DLK1: variants seen among roughly 807,000 people sequenced by gnomAD.
DLK1 encodes the protein delta like non-canonical Notch ligand 1.
A neutral mutation model predicts 35.2 loss-of-function variants in DLK1; 9 were observed. The observed-to-expected ratio is 0.26, with a 90% CI of 0.15 to 0.45. The LOEUF (loss-of-function observed/expected upper bound fraction) is 0.45, where lower values mean the gene tolerates loss of function less well. DLK1 is among the 20% of genes least tolerant of loss of function. The probability of loss-of-function intolerance (pLI) is 1.00; values close to 1 mark genes in which losing one functional copy is unlikely to be tolerated. For synonymous variants in DLK1, 231 were observed against 228.4 expected (o/e 1.01, Z -0.10); for missense variants, 522 against 528.5 (o/e 0.99, Z 0.12).
chr14:100,729,703 C>A (rs1421065134), intron 3 of DLK1, among the ~76,000 whole-genome samples: 1 of 152,196 alleles, frequency 6.6e-6, no homozygotes, highest in Non-Finnish European at 1.5e-5. Context: ...GCCTCCATTA[C>A]CCCAAGCAAT....
chr14:100,727,620 C>A (rs1567020076), intron 1 of DLK1, among the ~76,000 whole-genome samples: 1 of 152,158 alleles, frequency 6.6e-6, no homozygotes, highest in Non-Finnish European at 1.5e-5. Flanking sequence ...TGCGACACTT[C>A]TGTCTGCAGC....
At chr14:100,730,767 C>T (rs1264501639) in intron 3 of DLK1, among the ~76,000 whole-genome samples, 3 of 152,204 alleles carry the variant, frequency 2.0e-5, no homozygotes, top group Non-Finnish European at 2.9e-5. Context: ...TTGCCGGTGC[C>T]GTCCCGTAAA....
chr14:100,727,554 C>T (rs2036450880), intron 1 of DLK1, among the ~76,000 whole-genome samples: 1 of 152,150 alleles, frequency 6.6e-6, no homozygotes, highest in South Asian at 2.1e-4. Context: ...CCCCCAATTC[C>T]CAGAGAAGCC....
chr14:100,729,155 T>A, intron 3 of DLK1, 89 bp downstream of exon 3: 1 of 1,590,420 alleles, frequency 6.3e-7, no homozygotes. Context: ...CTGTTGCTGG[T>A]GTTCCTCACT....
rs752439369 is a variant in DLK1, at chr14:100,727,027, C to G, written c.-42C>G. 1 of 1,535,844 alleles carries G rather than the reference C, an allele frequency of 6.5e-7. No individual in the cohort carries two copies. On this transcript the variant is annotated 5_prime_UTR_variant, in exon 1 of 5. Coordinates refer to ENST00000341267, the MANE Select transcript of DLK1 (RefSeq NM_003836.7). ...AGTGCGGCGCCAGGAGCCGGACCCGCGCCCGCACCGCTCCCGGGACCGCGA... is the reference window on the plus strand; with the variant it reads ...AGTGCGGCGCCAGGAGCCGGACCCGGGCCCGCACCGCTCCCGGGACCGCGA...
rs779551088 is a variant in DLK1, at chr14:100,734,396, C to G, written c.652C>G (p.Gln218Glu). The G allele has an allele frequency of 6.2e-7, 1 of 1,611,746 alleles. No homozygotes were observed. Among genetic ancestry groups the G allele is most frequent in the Non-Finnish European group, 8.5e-7 (1 of 1,179,052 alleles). The stretch of plus-strand genomic sequence containing the variant: ...GACCAACTGCGCCAGCAGCCCGTGC[C>G]AGAACGGGGGCACCTGCCTGCAGCA... ...PVTNCASSPC[Q>E]NGGTCLQHTQ... Residue 218 changes from glutamine (Q) to glutamate (E), a missense_variant, in exon 5 of 5, where the codon CAG (glutamine) becomes GAG (glutamate). Transcript: ENST00000341267. This position sits in a 1 kb window ranked among gnomAD's most constrained non-coding sequence, Gnocchi z 7.4.
chr14:100,734,668 C>G lies in DLK1; in HGVS notation c.924C>G (p.Thr308=), dbSNP rs1282985380. 6.2e-7 allele frequency: 1 copy of G among 1,614,084 alleles called. No individual in the cohort carries two copies. Among genetic ancestry groups the G allele is most frequent in the East Asian group, 2.2e-5 (1 of 44,888 alleles). Residue 308 remains threonine, a synonymous_variant, in exon 5 of 5, where the codon ACC becomes ACG. Coordinates refer to ENST00000341267, the MANE Select transcript of DLK1 (RefSeq NM_003836.7). The surrounding 1 kb of genome is among the most constrained non-coding windows in gnomAD (Gnocchi z 7.4). ...LLTEGQAICF[T]ILGVLTSLVV... ...CCGAGGGCCAGGCCATCTGCTTCAC[C>G]ATCCTGGGCGTGCTCACCAGCCTGG...
At chr14:100,732,898 C>T (rs1380250011) in intron 4 of DLK1, among the ~76,000 whole-genome samples, 2 of 152,280 alleles carry the variant, frequency 1.3e-5, no homozygotes, top group East Asian at 1.9e-4. Context: ...AGGCAGGGTC[C>T]GAATGTAAGA....
intron 1 of DLK1, 73 bp from the exon 2 acceptor site, chr14:100,728,323 T>G (rs1173288398): frequency 2.6e-6 from 4 of 1,550,630 alleles, no homozygotes; most frequent in Non-Finnish European, 3.6e-6. Context: ...TGGTGGGCTG[T>G]GTGGGCGAAG....
chr14:100,728,447 A>C lies in DLK1; in HGVS notation c.119A>C (p.Asp40Ala). ...CCCCAAAATGGATTCTGCGAGGATG[A>C]CAATGTTTGCAGGTAATAGAGTGGC... ...CNPQNGFCED[D>A]NVCRCQPGWQ... The change falls in exon 2 of 5, where the codon GAC becomes GCC. Residue 40 changes from aspartate (D) to alanine (A), a missense_variant. Coordinates refer to ENST00000341267, the MANE Select transcript of DLK1 (RefSeq NM_003836.7). 6.2e-7 allele frequency: 1 copy of C among 1,613,930 alleles called. No homozygotes were observed. The highest frequency in any genetic ancestry group is 1.1e-5 in the South Asian group (1 of 91,068).
intron 2 of DLK1, 200 bp from the exon 3 acceptor site, chr14:100,728,736 C>T (rs542936640): frequency 2.5e-6 from 2 of 813,822 alleles, no homozygotes; most frequent in Admixed American, 2.4e-5. Context: ...CTCGGGGCCC[C>T]TCCAAGTCGG....
intron 3 of DLK1, among the ~76,000 whole-genome samples, chr14:100,730,366 C>G (rs922256079): frequency 6.6e-6 from 1 of 152,194 alleles, no homozygotes; most frequent in African/African-American, 2.4e-5. Context: ...ATTTTCCGGA[C>G]AAATGCCTCC....
rs547579667 is a variant in DLK1, at chr14:100,731,134, A to G, written c.263-908A>G. Among the ~76,000 whole-genome samples, 3 of 152,248 alleles carry G rather than the reference A, an allele frequency of 2.0e-5. No individual in the cohort carries two copies. The East Asian group carries it at 5.8e-4, about 30-fold the overall frequency. Reference sequence around the variant, plus strand: ...TATAAGTAGGGAAACTGAGGCCCAGAATGGGTAGGAGCTGAACTCTGCTGC... The same window carrying G: ...TATAAGTAGGGAAACTGAGGCCCAGGATGGGTAGGAGCTGAACTCTGCTGC... On this transcript the variant is annotated intron_variant, in intron 3 of 4. Coordinates refer to ENST00000341267, the MANE Select transcript of DLK1 (RefSeq NM_003836.7).
At position 100,734,121 on chromosome 14, in the gene DLK1, C is replaced by T. The variant is rs373247615; in HGVS notation, c.405-28C>T. On this transcript the variant is annotated intron_variant, in intron 4 of 4. Transcript: ENST00000341267. This position sits in a 1 kb window ranked among gnomAD's most constrained non-coding sequence, Gnocchi z 7.4. ...GCTGTTGTAGCCTAGCCCCTGAGGCCGTTTACTATGTCCCTGTTGTGTTGC... is the reference window on the plus strand; with the variant it reads ...GCTGTTGTAGCCTAGCCCCTGAGGCTGTTTACTATGTCCCTGTTGTGTTGC... 178 of 1,568,970 alleles carry T rather than the reference C, an allele frequency of 1.1e-4. 1 individual carries two copies. Among genetic ancestry groups the T allele is most frequent in the African/African-American group, 5.1e-4 (38 of 74,182 alleles).
rs750750247 is a variant in DLK1 at position 100,734,552 on chromosome 14, C to G, written c.808C>G (p.Pro270Ala). Residue 270 changes from proline to alanine, a missense_variant, in exon 5 of 5, where the codon CCT (proline) becomes GCT (alanine). Coordinates refer to ENST00000341267, the MANE Select transcript of DLK1 (RefSeq NM_003836.7). The surrounding 1 kb of genome is among the most constrained non-coding windows in gnomAD (Gnocchi z 7.4). ...SGYGLAYRLTPGVHELPVQQP... is the reference protein window; with the variant it reads ...SGYGLAYRLTAGVHELPVQQP... ...CTATGGGCTGGCCTACCGCCTGACC[C>G]CTGGGGTGCACGAGCTGCCGGTGCA... 6.2e-7 allele frequency: 1 copy of G among 1,613,142 alleles called. No homozygotes were observed. The highest frequency in any genetic ancestry group is 8.5e-7 in the Non-Finnish European group (1 of 1,179,910).
Position 100,727,146 on chromosome 14 carries a change from C to T in DLK1, c.67+11C>T. On this transcript the variant is annotated intron_variant, in intron 1 of 4. Coordinates refer to ENST00000341267, the MANE Select transcript of DLK1 (RefSeq NM_003836.7). ...GCCACAGCACCTATGGTGAGTTCCCCGGCGGCCCGGCTCGCGCCCCCTCTG... is the reference window on the plus strand; with the variant it reads ...GCCACAGCACCTATGGTGAGTTCCCTGGCGGCCCGGCTCGCGCCCCCTCTG... 1.3e-6 allele frequency: 2 copies of T among 1,567,864 alleles called. No homozygotes were observed. The highest frequency in any genetic ancestry group is 1.7e-6 in the Non-Finnish European group (2 of 1,157,288).
chr14:100,732,676 C>T (rs1278970987), intron 4 of DLK1, among the ~76,000 whole-genome samples: 5 of 152,124 alleles, frequency 3.3e-5, no homozygotes. Flanking sequence ...AGGAGGTGGG[C>T]CAGCTGTCGG....
chr14:100,734,438 G>A lies in DLK1; in HGVS notation c.694G>A (p.Glu232Lys), dbSNP rs762919430. 9.3e-6 allele frequency: 15 copies of A among 1,612,006 alleles called. No homozygotes were observed. Among genetic ancestry groups the A allele is most frequent in the Non-Finnish European group, 1.2e-5 (14 of 1,179,246 alleles). Reference protein sequence around the residue: ...TCLQHTQVSYECLCKPEFTGL... With the variant: ...TCLQHTQVSYKCLCKPEFTGL... ...CCTGCAGCACACCCAGGTGAGCTAC[G>A]AGTGTCTGTGCAAGCCCGAGTTCAC... Residue 232 changes from glutamate to lysine, a missense_variant, in exon 5 of 5, where the codon GAG (glutamate) becomes AAG (lysine). Glu to Lys is a moderately conservative substitution (Grantham distance 56, BLOSUM62 1). Transcript: ENST00000341267. The surrounding 1 kb of genome is among the most constrained non-coding windows in gnomAD (Gnocchi z 7.4).
chr14:100,734,179 G>A lies in DLK1; in HGVS notation c.435G>A (p.Val145=). 6.2e-7 allele frequency: 1 copy of A among 1,611,962 alleles called. No homozygotes were observed. The highest frequency in any genetic ancestry group is 8.5e-7 in the Non-Finnish European group (1 of 1,179,494). Residue 145 remains valine, a synonymous_variant, in exon 5 of 5, where the codon GTG becomes GTA. Transcript: ENST00000341267. The surrounding 1 kb of genome is among the most constrained non-coding windows in gnomAD (Gnocchi z 7.4). The part of the protein sequence containing the change: ...GSPCQHGGTC[V]DDEGRASHAS... Reference sequence around the variant, plus strand: ...CCTGCCAGCACGGAGGCACCTGCGTGGATGATGAGGGCCGGGCCTCCCATG... The same window carrying A: ...CCTGCCAGCACGGAGGCACCTGCGTAGATGATGAGGGCCGGGCCTCCCATG...
Sources: allele counts gnomAD v4.1 joint callset (sites outside exome capture counted in the v4.1 genomes callset), GRCh38; gene constraint gnomAD v4.1.1; non-coding constraint Gnocchi (gnomAD v3.1); transcripts MANE v1.5; gene names NCBI Gene and HGNC (gene_info 2026-07-23, HGNC 2026-07-21).